Variants in ZNF273 observed in about 807,000 individuals in gnomAD.
ZNF273 encodes zinc finger protein 273.
ZNF273 carries 11 observed loss-of-function variants against 14.9 expected under a neutral mutation model. The ratio of observed to expected loss-of-function variants is 0.74; its 90% CI spans 0.46 to 1.22. The LOEUF (loss-of-function observed/expected upper bound fraction) is 1.22. Ranked by LOEUF, ZNF273 falls within the 50% of genes most tolerant of loss-of-function variation. ZNF273 has a pLI of 0.00. For synonymous variants in ZNF273, 199 were observed against 223.9 expected, an observed-to-expected ratio of 0.89 and a Z score of 0.99; for missense variants, 577 against 660.6, an observed-to-expected ratio of 0.87 and a Z score of 1.39.
chr7:64,889,414 C>G (rs1026324056), downstream of ZNF273: 1 of 984,848 alleles, frequency 1.0e-6, no homozygotes, highest in African/African-American at 1.7e-5. This position sits in a 1 kb window ranked among gnomAD's most constrained non-coding sequence, Gnocchi z 4.2. Flanking sequence ...TGACCAGGAG[C>G]GCGGAGCCCC....
At chr7:64,900,902 AACT>A (rs534374576), upstream of ZNF273, among the ~76,000 whole-genome samples, 8 of 152,208 alleles carry the variant, frequency 5.3e-5, 2 homozygotes, top group South Asian at 1.7e-3. Context: ...TTTGCCTATA[AACT>A]TCTGCTCTGA....
downstream of ZNF273, chr7:64,880,066 G>T (rs1269201266): frequency 1.3e-5 from 2 of 152,202 alleles, no homozygotes; most frequent in African/African-American, 4.8e-5. Flanking sequence ...GCGCGGGCTC[G>T]AGTCACAGTG....
downstream of ZNF273, among the ~76,000 whole-genome samples, chr7:64,892,765 G>C (rs948616737): frequency 6.6e-6 from 1 of 152,220 alleles, no homozygotes; most frequent in African/African-American, 2.4e-5. Flanking sequence ...GTTGGACCAG[G>C]TATGTCATTT....
At chr7:64,905,461 G>A (rs905339236) in intron 1 of ZNF273, among the ~76,000 whole-genome samples, 1 of 137,786 alleles carries the variant, frequency 7.3e-6, no homozygotes, top group Non-Finnish European at 1.5e-5. Flanking sequence ...AACCCGTTGA[G>A]ACATTAAGAT....
upstream of ZNF273, chr7:64,903,272 T>C (rs748851902): frequency 1.1e-5 from 16 of 1,509,112 alleles, no homozygotes; most frequent in African/African-American, 1.4e-5. Context: ...GCGGGGCCTT[T>C]GTCTCTCGCT....
At chr7:64,922,599 A>G (rs974537987) in intron 3 of ZNF273, among the ~76,000 whole-genome samples, 1 of 151,572 alleles carries the variant, frequency 6.6e-6, no homozygotes, top group African/African-American at 2.4e-5. Context: ...GGTGTGAGCC[A>G]CTGTGCCTGA....
At chr7:64,934,850 A>G (rs776373474), downstream of ZNF273, among the ~76,000 whole-genome samples, 2 of 151,988 alleles carry the variant, frequency 1.3e-5, no homozygotes, top group Non-Finnish European at 2.9e-5. Flanking sequence ...TGTCACTGGT[A>G]TTTTGATAAA....
At chr7:64,921,605 CTTTTTTTTTTTTT>C (rs752363426) in intron 3 of ZNF273, among the ~76,000 whole-genome samples, 4 of 57,928 alleles carry the variant, frequency 6.9e-5, no homozygotes, top group Non-Finnish European at 1.3e-4. Flanking sequence ...CATGCTAATG[CTTTTTTTTTTTTT>C]TTTTTTTTTT....
chr7:64,928,833 C>T lies in ZNF273; in HGVS notation c.1505C>T (p.Thr502Ile). ...GKAFNWSSTL[T>I]KHKRIHTGEK... is the part of the protein sequence containing the mutation. ...GCCTTTAACTGGTCCTCAACTCTTA[C>T]TAAACATAAGAGAATTCATACTGGA... The change falls in exon 4 of 4, where the codon ACT becomes ATT. Residue 502 changes from threonine (T) to isoleucine (I), a missense_variant. Thr to Ile is a moderately conservative substitution (Grantham distance 89). Coordinates refer to ENST00000476120, the MANE Select transcript of ZNF273 (RefSeq NM_021148.3). 6.2e-7 allele frequency: 1 copy of T among 1,613,864 alleles called. No homozygotes were observed. Among genetic ancestry groups the T allele is most frequent in the Non-Finnish European group, 8.5e-7 (1 of 1,179,932 alleles).
At chr7:64,889,436 G>C (rs879726223), downstream of ZNF273, 8 of 985,676 alleles carry the variant, frequency 8.1e-6, no homozygotes, top group Non-Finnish European at 9.6e-6. The surrounding 1 kb of genome is among the most constrained non-coding windows in gnomAD (Gnocchi z 4.2). Flanking sequence ...TCCCACTCGG[G>C]CTCGGGTGGC....
chr7:64,878,770 C>T (rs1209144668), intron 2 of ZNF273, among the ~76,000 whole-genome samples: 1 of 152,218 alleles, frequency 6.6e-6, no homozygotes, highest in Non-Finnish European at 1.5e-5. Flanking sequence ...GTTTCCTGAA[C>T]TTTAACTTCC....
At chr7:64,933,739 G>A (rs1014244601), downstream of ZNF273, 21 of 152,126 alleles carry the variant, frequency 1.4e-4, no homozygotes, top group Non-Finnish European at 2.8e-4. Context: ...TTTCTATAAT[G>A]TTTTAAAAAT....
downstream of ZNF273, chr7:64,889,771 C>T (rs1245737947): frequency 1.1e-5 from 11 of 985,510 alleles, no homozygotes; most frequent in Non-Finnish European, 1.3e-5. The surrounding 1 kb of genome is among the most constrained non-coding windows in gnomAD (Gnocchi z 4.2). Context: ...TCCAGGAGTC[C>T]CGAGCCCAAG....
downstream of ZNF273, among the ~76,000 whole-genome samples, chr7:64,932,488 T>C (rs963342720): frequency 6.6e-6 from 1 of 151,936 alleles, no homozygotes; most frequent in African/African-American, 2.4e-5. Flanking sequence ...GTATTTTTAG[T>C]AGACAGGGTT....
chr7:64,912,990 A>G (rs1793683324), intron 1 of ZNF273, among the ~76,000 whole-genome samples: 1 of 151,460 alleles, frequency 6.6e-6, no homozygotes, highest in Admixed American at 6.6e-5. Flanking sequence ...CACCATGTCC[A>G]GCTAATATTT....
intron 3 of ZNF273, chr7:64,924,197 A>G (rs1042540050): frequency 6.6e-6 from 1 of 152,230 alleles, no homozygotes; most frequent in Non-Finnish European, 1.5e-5. Context: ...AAAGTAATCC[A>G]TAAAATTTCA....
At chr7:64,916,940 C>T in intron 1 of ZNF273, 1 of 1,127,882 alleles carries the variant, frequency 8.9e-7, no homozygotes, top group East Asian at 6.7e-5. Flanking sequence ...CATAAACCAT[C>T]ACATTTAATC....
chr7:64,916,332 C>G lies in ZNF273; in HGVS notation c.103-1249C>G, dbSNP rs548819805. 1.6e-4 allele frequency among the ~76,000 whole-genome samples: 23 copies of G among 146,920 alleles called. No homozygotes were observed. The South Asian group carries it at 4.5e-3, about 29-fold the overall frequency. On this transcript the variant is annotated intron_variant, in intron 1 of 3. Transcript: ENST00000476120. ...AGGCGGACAGGAGTTCGAGACCAGG[C>G]TGGCCAACATGGTGAAACCCCATCT...
chr7:64,909,487 C>G (rs1294786974), intron 1 of ZNF273, among the ~76,000 whole-genome samples: 1 of 152,082 alleles, frequency 6.6e-6, no homozygotes. Flanking sequence ...CCTTGGCCCC[C>G]CAAAGTGCTG....
Sources: allele counts gnomAD v4.1 joint callset (sites outside exome capture counted in the v4.1 genomes callset), GRCh38; gene constraint gnomAD v4.1.1; non-coding constraint Gnocchi (gnomAD v3.1); transcripts MANE v1.5; gene names NCBI Gene and HGNC (gene_info 2026-07-23, HGNC 2026-07-21).